Variants in RFX1 observed in about 807,000 individuals in gnomAD.
The protein encoded by RFX1 is regulatory factor X1.
RFX1 carries 42 observed loss-of-function variants against 119.6 expected under a neutral mutation model. The observed-to-expected ratio is 0.35, with a 90% CI of 0.27 to 0.45. RFX1 has a LOEUF of 0.45. Ranked by LOEUF, RFX1 falls within the 20% of genes least tolerant of loss-of-function variation. The pLI is 1.00. For synonymous variants in RFX1, 628 were observed against 618.5 expected (o/e 1.02, Z -0.23); for missense variants, 1,118 against 1,368.1 (o/e 0.82, Z 2.88).
chr19:13,975,361 CAAA>C (rs59604119), intron 8 of RFX1, among the ~76,000 whole-genome samples: 2 of 120,338 alleles, frequency 1.7e-5, no homozygotes, highest in Non-Finnish European at 1.8e-5. Context: ...AACTCTATCT[CAAA>C]AAAAAAAAAA....
intron 16 of RFX1, 140 bp from the exon 17 acceptor site, chr19:13,964,147 CACAG>C: frequency 1.1e-6 from 1 of 939,038 alleles, no homozygotes; most frequent in East Asian, 2.7e-5. Flanking sequence ...TTTGTTGGGA[CACAG>C]AAGGATCGGG....
Position 13,962,713 on chromosome 19 carries a change from C to G in RFX1, c.2922G>C (p.Gln974His), listed in dbSNP as rs2145520736. ...ARTDARGLFV[Q>H]ALPSS ...CAAGGGCTTAGCTGGAGGGCAGCGCCTGCACGAAGAGGCCGCGCGCGTCAG... is the reference window on the plus strand; with the variant it reads ...CAAGGGCTTAGCTGGAGGGCAGCGCGTGCACGAAGAGGCCGCGCGCGTCAG... Residue 974 changes from glutamine (Q) to histidine (H), a missense_variant, in exon 21 of 21, where the codon CAG (glutamine) becomes CAC (histidine). Coordinates refer to ENST00000254325, the MANE Select transcript of RFX1 (RefSeq NM_002918.5). 1 of 1,528,770 alleles carries G rather than the reference C, an allele frequency of 6.5e-7. No individual in the cohort carries two copies. The highest frequency in any genetic ancestry group is 2.5e-5 in the East Asian group (1 of 40,588). The allele number at this position is 1,528,770 out of a possible 1,614,324, so 94.7% of individuals were successfully genotyped here.
At chr19:13,981,800 G>A (rs73924074) in intron 5 of RFX1, among the ~76,000 whole-genome samples, 3 of 152,328 alleles carry the variant, frequency 2.0e-5, no homozygotes, top group South Asian at 4.1e-4. Flanking sequence ...GGGGGGAAGA[G>A]GAACCCACTT....
rs1568454797 is a variant in RFX1 at position 13,962,783 on chromosome 19, G to A, written c.2852C>T (p.Ala951Val). The stretch of plus-strand genomic sequence containing the variant: ...CGGCTCCAGGGTCTCCGGGCCCAGC[G>A]CGGGTGACTCGCCGCCAGCCGCCAG... Reference protein sequence around the residue: ...ISLAAGGESPALGPETLEPPA... With the variant: ...ISLAAGGESPVLGPETLEPPA... The change falls in exon 21 of 21, where the codon GCG becomes GTG. Residue 951 changes from alanine (A) to valine (V), a missense_variant. Ala to Val is a moderately conservative substitution (Grantham distance 64). Coordinates refer to ENST00000254325, the MANE Select transcript of RFX1 (RefSeq NM_002918.5). 1.3e-6 allele frequency: 2 copies of A among 1,530,350 alleles called. No homozygotes were observed. Among genetic ancestry groups the A allele is most frequent in the Non-Finnish European group, 1.7e-6 (2 of 1,143,418 alleles). The allele number at this position is 1,530,350 out of a possible 1,614,324, so 94.8% of individuals were successfully genotyped here.
chr19:13,964,222 G>A (rs1973820282), intron 16 of RFX1, among the ~76,000 whole-genome samples: 1 of 152,164 alleles, frequency 6.6e-6, no homozygotes, highest in African/African-American at 2.4e-5. Context: ...ATTGTGTTCT[G>A]ACCAGGGCAC....
At chr19:13,989,856 A>G (rs1262369420) in intron 2 of RFX1, among the ~76,000 whole-genome samples, 2 of 78,848 alleles carry the variant, frequency 2.5e-5, no homozygotes, top group African/African-American at 8.8e-5. Flanking sequence ...ATAGAAGTGG[A>G]AGAGGCGGGG....
chr19:13,999,485 T>C (rs774048078), intron 1 of RFX1, among the ~76,000 whole-genome samples: 1 of 152,190 alleles, frequency 6.6e-6, no homozygotes, highest in Non-Finnish European at 1.5e-5. Context: ...GGTAAACAAA[T>C]GAGCAGGCTG....
intron 2 of RFX1, among the ~76,000 whole-genome samples, chr19:13,989,862 C>CG (rs35960825): frequency 3.6e-4 from 54 of 150,340 alleles, no homozygotes; most frequent in East Asian, 1.4e-3. Flanking sequence ...GTGGAAGAGG[C>CG]GGGGGGGGTT....
In RFX1 at chr19:13,985,639, C is replaced by T. The variant is rs1974567035; in HGVS notation, c.320-2044G>A. ...CATACCACATATGGAACCGGAGTCA[C>T]TGGTTCTGCCTGGGCTGCGCCCCAA... On this transcript the variant is annotated intron_variant, in intron 2 of 20. Coordinates refer to ENST00000254325, the MANE Select transcript of RFX1 (RefSeq NM_002918.5). This position sits in a 1 kb window ranked among gnomAD's most constrained non-coding sequence, Gnocchi z 4.3. 6.6e-6 allele frequency among the ~76,000 whole-genome samples: 1 copy of T among 152,256 alleles called. No homozygotes were observed. Among genetic ancestry groups the T allele is most frequent in the Non-Finnish European group, 1.5e-5 (1 of 68,050 alleles).
intron 1 of RFX1, among the ~76,000 whole-genome samples, chr19:14,004,713 A>C (rs1975316450): frequency 6.6e-6 from 1 of 152,176 alleles, no homozygotes; most frequent in African/African-American, 2.4e-5. Flanking sequence ...AAAAAGCCTG[A>C]AATGATCCTT....
Position 13,983,172 on chromosome 19 carries a change from G to T in RFX1, c.513+15C>A. ...GGGAGCCTTCCAGGGTGGTGGCCAG[G>T]TGCAGCAGCATTACCTGCTGGGGCA... On this transcript the variant is annotated intron_variant, in intron 4 of 20. Coordinates refer to ENST00000254325, the MANE Select transcript of RFX1 (RefSeq NM_002918.5). 6.5e-7 allele frequency: 1 copy of T among 1,549,662 alleles called. No homozygotes were observed. The highest frequency in any genetic ancestry group is 8.7e-7 in the Non-Finnish European group (1 of 1,150,178).
chr19:13,993,431 G>C, intron 2 of RFX1, 94 bp downstream of exon 2: 3 of 1,266,224 alleles, frequency 2.4e-6, no homozygotes, highest in Non-Finnish European at 3.3e-6. Flanking sequence ...AGAAACCTTG[G>C]GGGGCATGGC....
intron 20 of RFX1, 45 bp from the exon 21 acceptor site, chr19:13,962,909 C>T (rs1351164281): frequency 2.6e-6 from 4 of 1,541,272 alleles, no homozygotes; most frequent in Non-Finnish European, 3.5e-6. Context: ...GGTGGCAACG[C>T]CCCCGGGCTC....
chr19:14,006,179 G>C lies in RFX1; in HGVS notation c.-129C>G, dbSNP rs1360797351. 2 of 152,138 alleles carry C rather than the reference G, an allele frequency of 1.3e-5. No homozygotes were observed. Among genetic ancestry groups the C allele is most frequent in the African/African-American group, 4.8e-5 (2 of 41,410 alleles). 9.4% of individuals were successfully genotyped at this position (152,138 alleles called of 1,614,324 possible). On this transcript the variant is annotated 5_prime_UTR_variant, in exon 1 of 21. Transcript: ENST00000254325. ...GTCGATGTTGGGAAGGGGACGGGAC[G>C]TGCTGGGGTCCCCGGGCCGGGCCTG...
chr19:13,982,894 C>T (rs1376980433), intron 4 of RFX1: 1 of 459,192 alleles, frequency 2.2e-6, no homozygotes, highest in Non-Finnish European at 3.9e-6. Flanking sequence ...GACTCTAAAC[C>T]TGGCCTTGGG....
intron 1 of RFX1, among the ~76,000 whole-genome samples, chr19:13,994,437 CG>C (rs1240930705): frequency 5.9e-5 from 9 of 152,064 alleles, no homozygotes; most frequent in African/African-American, 2.2e-4. Context: ...TCTATTAGGC[CG>C]GGCACAGTGG....
intron 1 of RFX1, among the ~76,000 whole-genome samples, chr19:13,995,302 G>A (rs1313502372): frequency 1.3e-5 from 2 of 152,056 alleles, no homozygotes; most frequent in African/African-American, 4.8e-5. Context: ...AGTTCCCTAC[G>A]TGCCTGCCAT....
Position 13,965,559 on chromosome 19 carries a change from G to T in RFX1, c.2114-13C>A, listed in dbSNP as rs375212136. On this transcript the variant is annotated splice_polypyrimidine_tract_variant and intron_variant, in intron 15 of 20. Transcript: ENST00000254325. The surrounding 1 kb of genome is among the most constrained non-coding windows in gnomAD (Gnocchi z 4.7). The stretch of plus-strand genomic sequence containing the variant: ...TGGGTCAAGGCACCTGTGGGCGGTG[G>T]CGGGGGTCGGTCAGGGCAGGGCGGG... 2.5e-6 allele frequency: 4 copies of T among 1,613,204 alleles called. No homozygotes were observed. Among genetic ancestry groups the T allele is most frequent in the Admixed American group, 3.3e-5 (2 of 59,946 alleles).
intron 2 of RFX1, among the ~76,000 whole-genome samples, chr19:13,988,312 T>C (rs537089264): frequency 1.4e-3 from 211 of 152,204 alleles, no homozygotes; most frequent in Non-Finnish European, 2.1e-3. Context: ...GGTCTTGACT[T>C]TGAAGCACCA....
Sources: gnomAD v4.1 joint callset for allele counts (sites outside exome capture counted in the v4.1 genomes callset) on GRCh38, gnomAD v4.1.1 for gene constraint, Gnocchi (gnomAD v3.1) non-coding constraint, MANE v1.5 for transcripts, NCBI Gene and HGNC (gene_info 2026-07-23, HGNC 2026-07-21) for gene names.